RABGAP1: variants seen among roughly 807,000 people sequenced by gnomAD.
RABGAP1 encodes the protein RAB GTPase activating protein 1.
In RABGAP1, 23 loss-of-function variants were observed where a neutral mutation model predicts 137.6. The observed-to-expected ratio is 0.17, with a 90% CI of 0.12 to 0.24. RABGAP1 has a LOEUF of 0.24. Ranked by LOEUF, RABGAP1 falls within the 10% of genes least tolerant of loss-of-function variation. The pLI is 1.00. For synonymous variants in RABGAP1, 451 were observed against 450.7 expected, an observed-to-expected ratio of 1.00 and a Z score of -0.01; for missense variants, 906 against 1,275.8, an observed-to-expected ratio of 0.71 and a Z score of 4.42.
chr9:122,966,244 G>C (rs1434820407), intron 2 of RABGAP1, among the ~76,000 whole-genome samples: 3 of 152,180 alleles, frequency 2.0e-5, no homozygotes, highest in African/African-American at 4.8e-5. Context: ...TGAAATTATG[G>C]CTGGGTGCAG....
intron 20 of RABGAP1, 75 bp from the exon 21 acceptor site, chr9:123,090,200 G>T: frequency 9.0e-7 from 1 of 1,111,830 alleles, no homozygotes; most frequent in East Asian, 2.6e-5. Flanking sequence ...AATTTATTTT[G>T]AGGTTTAGCC....
At chr9:122,947,460 G>A (rs893518420) in intron 1 of RABGAP1, among the ~76,000 whole-genome samples, 2 of 152,132 alleles carry the variant, frequency 1.3e-5, no homozygotes, top group Non-Finnish European at 2.9e-5. Flanking sequence ...ACACTTCCGT[G>A]GCTAAGATGG....
chr9:123,025,543 C>CTTTT (rs577474947), intron 13 of RABGAP1, among the ~76,000 whole-genome samples: 11 of 75,008 alleles, frequency 1.5e-4, no homozygotes, highest in African/African-American at 4.0e-4. Context: ...TCTTTCTTTT[C>CTTTT]TTTTTTTTTT....
intron 1 of RABGAP1, among the ~76,000 whole-genome samples, chr9:122,951,220 A>G (rs1288739839): frequency 6.6e-6 from 1 of 152,182 alleles, no homozygotes; most frequent in Non-Finnish European, 1.5e-5. Context: ...GCACTAGCAC[A>G]TTTTGTCTCA....
intron 7 of RABGAP1, 44 bp from the exon 8 acceptor site, chr9:122,996,495 G>C (rs373379159): frequency 2.9e-5 from 45 of 1,530,346 alleles, no homozygotes; most frequent in Non-Finnish European, 3.5e-5. Context: ...ACGTTCTTTT[G>C]TGTTATCTTT....
rs749585657 is a variant in RABGAP1, at chr9:122,996,534, TGTAG to T, written c.1035-2_1036del. Reference sequence around the variant, plus strand: ...CTTAAATTTATGTCAGTTCTTTTTTTGTAGGTGTTTTGGTCTTCTCCTTAGTCCA... The same window carrying T: ...CTTAAATTTATGTCAGTTCTTTTTTTGTGTTTTGGTCTTCTCCTTAGTCCA... On this transcript the variant is annotated splice_acceptor_variant and splice_polypyrimidine_tract_variant and intron_variant, in intron 7 of 25. Transcript: ENST00000373647. LOFTEE classifies it high-confidence loss of function. 6.3e-7 allele frequency: 1 copy of T among 1,599,148 alleles called. No individual in the cohort carries two copies. Among genetic ancestry groups the T allele is most frequent in the Non-Finnish European group, 8.5e-7 (1 of 1,174,184 alleles).
intron 1 of RABGAP1, among the ~76,000 whole-genome samples, chr9:122,945,733 T>C (rs1833911719): frequency 6.6e-6 from 1 of 152,226 alleles, no homozygotes. Flanking sequence ...TAAATTTTTC[T>C]CTGTACCTAA....
At chr9:123,008,160 A>C (rs1248646517) in intron 10 of RABGAP1, among the ~76,000 whole-genome samples, 1 of 152,166 alleles carries the variant, frequency 6.6e-6, no homozygotes, top group African/African-American at 2.4e-5. Context: ...TGGTCCAGTA[A>C]TTGACTGTAT....
In RABGAP1 at chr9:123,070,688, G is replaced by C. The variant is rs2034325266; in HGVS notation, c.1983+264G>C. Among the ~76,000 whole-genome samples, 1 of 152,146 alleles carries C rather than the reference G, an allele frequency of 6.6e-6. No homozygotes were observed. The highest frequency in any genetic ancestry group is 1.5e-5 in the Non-Finnish European group (1 of 68,024). On this transcript the variant is annotated intron_variant, in intron 15 of 25. Coordinates refer to ENST00000373647, the MANE Select transcript of RABGAP1 (RefSeq NM_012197.4). This position sits in a 1 kb window ranked among gnomAD's most constrained non-coding sequence, Gnocchi z 4.4. ...GGATGATTGGAGAGACTTTAATGTT[G>C]GTTGAACTCTTGGGGACGTTTTATC...
At chr9:123,098,842 C>A (rs537313097) in intron 23 of RABGAP1, 44 bp downstream of exon 23, 1 of 1,497,488 alleles carries the variant, frequency 6.7e-7, no homozygotes, top group Non-Finnish European at 9.2e-7. Context: ...ATCTGGGAGC[C>A]CCTAGTCTGG....
intron 13 of RABGAP1, among the ~76,000 whole-genome samples, chr9:123,060,072 A>C (rs568618373): frequency 5.3e-5 from 8 of 152,356 alleles, no homozygotes; most frequent in Middle Eastern, 3.4e-3. Context: ...ACCTGCTGCC[A>C]TTCACAAGAA....
intron 8 of RABGAP1, 70 bp downstream of exon 8, chr9:122,996,675 C>A (rs1837037640): frequency 2.4e-6 from 3 of 1,259,916 alleles, no homozygotes; most frequent in Non-Finnish European, 3.4e-6. Context: ...TTTTTCTCAT[C>A]TGAATCTAGT....
chr9:122,952,399 C>T (rs1834301333), intron 1 of RABGAP1, among the ~76,000 whole-genome samples: 1 of 152,064 alleles, frequency 6.6e-6, no homozygotes, highest in Non-Finnish European at 1.5e-5. Flanking sequence ...GCTGGGACTA[C>T]AGGCGCCTGC....
upstream of RABGAP1, among the ~76,000 whole-genome samples, chr9:122,936,918 T>C (rs1157650349): frequency 6.6e-6 from 1 of 152,194 alleles, no homozygotes; most frequent in African/African-American, 2.4e-5. Context: ...CACCCGAGGC[T>C]GATCCTGATC....
chr9:123,022,227 C>G (rs1440727575), intron 13 of RABGAP1, among the ~76,000 whole-genome samples: 1 of 152,126 alleles, frequency 6.6e-6, no homozygotes, highest in Admixed American at 6.5e-5. Context: ...CATGAAGTGT[C>G]TGTAACTGAA....
At chr9:123,095,784 T>C (rs1398380293) in intron 21 of RABGAP1, among the ~76,000 whole-genome samples, 1 of 152,224 alleles carries the variant, frequency 6.6e-6, no homozygotes, top group South Asian at 2.1e-4. Flanking sequence ...TGTGTTGTGC[T>C]TTTATTTTCA....
At chr9:122,977,590 C>G (rs1297217421) in intron 2 of RABGAP1, among the ~76,000 whole-genome samples, 1 of 152,148 alleles carries the variant, frequency 6.6e-6, no homozygotes, top group Non-Finnish European at 1.5e-5. Flanking sequence ...CCTGTAATCT[C>G]AGCTACTCGG....
intron 2 of RABGAP1, among the ~76,000 whole-genome samples, chr9:122,962,202 G>C (rs1172357747): frequency 6.6e-6 from 1 of 151,664 alleles, no homozygotes; most frequent in Non-Finnish European, 1.5e-5. Context: ...CTGATAAGAT[G>C]TGCATTGTTT....
intron 13 of RABGAP1, among the ~76,000 whole-genome samples, chr9:123,027,108 C>CTTTTTTTTTTTT (rs71388345): frequency 3.0e-5 from 3 of 100,050 alleles, no homozygotes; most frequent in Non-Finnish European, 4.5e-5. Context: ...TCTTTCTTTT[C>CTTTTTTTTTTTT]TTTTTTTTTT....
Sources: gnomAD v4.1 joint callset for allele counts (sites outside exome capture counted in the v4.1 genomes callset) on GRCh38, gnomAD v4.1.1 for gene constraint, Gnocchi (gnomAD v3.1) non-coding constraint, MANE v1.5 for transcripts, NCBI Gene and HGNC (gene_info 2026-07-23, HGNC 2026-07-21) for gene names.